Variants in NINL observed in about 807,000 individuals in gnomAD.
NINL encodes the protein ninein like, also known as ninein-like protein.
NINL carries 153 observed loss-of-function variants against 160.3 expected under a neutral mutation model. The ratio of observed to expected loss-of-function variants is 0.95; its 90% CI spans 0.84 to 1.09. The LOEUF is 1.09. Ranked by LOEUF, NINL falls within the 50% of genes least tolerant of loss-of-function variation. The pLI is 0.00. For missense variants in NINL, 1,829 were observed against 1,764.0 expected, an observed-to-expected ratio of 1.04 and a Z score of -0.66; for synonymous variants, 800 against 734.8, an observed-to-expected ratio of 1.09 and a Z score of -1.43.
At chr20:25,530,067 T>C (rs905853885) in intron 1 of NINL, among the ~76,000 whole-genome samples, 2 of 152,186 alleles carry the variant, frequency 1.3e-5, no homozygotes, top group African/African-American at 4.8e-5. Context: ...CTCTACTTTT[T>C]TTCTCTTTTA....
intron 1 of NINL, among the ~76,000 whole-genome samples, chr20:25,540,695 T>A (rs575880815): frequency 1.8e-4 from 27 of 152,304 alleles, no homozygotes; most frequent in African/African-American, 6.3e-4. Context: ...AAAGATGTTA[T>A]AACCCCAATA....
Position 25,519,974 on chromosome 20 carries a change from A to C in NINL, c.181-2125T>G, listed in dbSNP as rs537320210. 6.9e-5 allele frequency among the ~76,000 whole-genome samples: 9 copies of C among 130,986 alleles called. No individual in the cohort carries two copies. In the South Asian group the frequency reaches 2.6e-3, roughly 38 times the overall value. 85.9% of individuals were successfully genotyped at this position (130,986 alleles called of 152,430 possible). A position where few individuals can be genotyped will look rare whatever the true frequency, so the allele number is the denominator to read the frequency against. On this transcript the variant is annotated intron_variant, in intron 2 of 23. Transcript: ENST00000278886. ...AGCCAAGATCATGCCTGGGTGACGAAGTGAGACCCCGTCTCAAAAAAAAAA... is the reference window on the plus strand; with the variant it reads ...AGCCAAGATCATGCCTGGGTGACGACGTGAGACCCCGTCTCAAAAAAAAAA...
intron 3 of NINL, among the ~76,000 whole-genome samples, chr20:25,516,331 C>G (rs2064159269): frequency 6.6e-6 from 1 of 150,880 alleles, no homozygotes; most frequent in Admixed American, 6.6e-5. Flanking sequence ...AGGAATAGGA[C>G]CATTTAGTTG....
chr20:25,547,240 G>T (rs1381899605), intron 1 of NINL, among the ~76,000 whole-genome samples: 1 of 152,122 alleles, frequency 6.6e-6, no homozygotes, highest in African/African-American at 2.4e-5. Flanking sequence ...CCTGGGATTA[G>T]GATAATCCCA....
Position 25,574,353 on chromosome 20 carries a change from G to A in NINL, c.-12+11102C>T, listed in dbSNP as rs145397458. Among the ~76,000 whole-genome samples, 188 of 151,102 alleles carry A rather than the reference G, an allele frequency of 1.2e-3. No individual in the cohort carries two copies. The Middle Eastern group carries it at 0.017, about 14-fold the overall frequency. ...GGGCAAGGGCCTTGTGCCCACCACC[G>A]TCTTTTTTTTTTTTCTAGGAGAATG... On this transcript the variant is annotated intron_variant, in intron 1 of 23. Transcript: ENST00000278886.
At chr20:25,462,924 G>A (rs1353208606) in intron 19 of NINL, among the ~76,000 whole-genome samples, 1 of 152,126 alleles carries the variant, frequency 6.6e-6, no homozygotes, top group Non-Finnish European at 1.5e-5. Flanking sequence ...CAAAGTGCTG[G>A]GATTATAGGT....
At chr20:25,556,099 T>G (rs538932108) in intron 1 of NINL, among the ~76,000 whole-genome samples, 58 of 151,964 alleles carry the variant, frequency 3.8e-4, no homozygotes, top group Non-Finnish European at 6.5e-4. Context: ...TGGGCAAACA[T>G]AGTGAGACTT....
At chr20:25,527,519 T>C (rs2064381610) in intron 1 of NINL, among the ~76,000 whole-genome samples, 1 of 152,090 alleles carries the variant, frequency 6.6e-6, no homozygotes, top group Non-Finnish European at 1.5e-5. Flanking sequence ...CTGTTTTTTT[T>C]TCAAATAATA....
rs373934418 is a variant in NINL, at chr20:25,579,537, AC to A, written c.-12+5917del. Among the ~76,000 whole-genome samples, 48 of 152,168 alleles carry A rather than the reference AC, an allele frequency of 3.2e-4. No individual in the cohort carries two copies. The East Asian group carries it at 8.1e-3, about 26-fold the overall frequency. ...CTCACACAGCCCCCACGGACCAGGCACCCAAAAGCCTGTCCTTCCTGTCCCC... is the reference window on the plus strand; with the variant it reads ...CTCACACAGCCCCCACGGACCAGGCACCAAAAGCCTGTCCTTCCTGTCCCC... On this transcript the variant is annotated intron_variant, in intron 1 of 23. Transcript: ENST00000278886.
intron 4 of NINL, among the ~76,000 whole-genome samples, chr20:25,511,984 T>C (rs944733708): frequency 6.6e-6 from 1 of 152,112 alleles, no homozygotes; most frequent in Admixed American, 6.5e-5. Flanking sequence ...TCCTTGAAAA[T>C]GGTTCGACCC....
chr20:25,473,715 C>T (rs947961348), intron 17 of NINL, among the ~76,000 whole-genome samples: 219 of 131,734 alleles, frequency 1.7e-3, no homozygotes, highest in African/African-American at 6.0e-3. Flanking sequence ...CACACACACA[C>T]ACATCAGCTG....
At chr20:25,559,601 G>C (rs1358562471) in intron 1 of NINL, among the ~76,000 whole-genome samples, 1 of 151,830 alleles carries the variant, frequency 6.6e-6, no homozygotes, top group African/African-American at 2.4e-5. Flanking sequence ...ATCTTGCCAG[G>C]TGTTTTGTTT....
At chr20:25,549,640 A>G (rs528934349) in intron 1 of NINL, among the ~76,000 whole-genome samples, 1 of 152,358 alleles carries the variant, frequency 6.6e-6, no homozygotes, top group East Asian at 1.9e-4. Context: ...ATCATGCACG[A>G]GTGGAACTAA....
At chr20:25,470,695 A>G (rs1238277079) in intron 17 of NINL, among the ~76,000 whole-genome samples, 2 of 152,204 alleles carry the variant, frequency 1.3e-5, no homozygotes, top group African/African-American at 2.4e-5. Flanking sequence ...CAATTTACCA[A>G]TGAAGATCAC....
At chr20:25,458,734 T>G in intron 21 of NINL, 1 of 564,358 alleles carries the variant, frequency 1.8e-6, no homozygotes, top group South Asian at 2.5e-5. Context: ...TTCCACACAG[T>G]GCTAGAGTGC....
intron 1 of NINL, among the ~76,000 whole-genome samples, chr20:25,562,832 G>A (rs2064959969): frequency 6.6e-6 from 1 of 152,000 alleles, no homozygotes; most frequent in Non-Finnish European, 1.5e-5. Flanking sequence ...TAATACCAGA[G>A]GGAAAACTGG....
At chr20:25,456,346 G>A (rs960761488) in intron 22 of NINL, among the ~76,000 whole-genome samples, 5 of 147,860 alleles carry the variant, frequency 3.4e-5, no homozygotes, top group Admixed American at 1.4e-4. Context: ...TCAGGAGTTC[G>A]AGACCAGCCT....
intron 1 of NINL, among the ~76,000 whole-genome samples, chr20:25,574,411 T>C (rs891846264): frequency 3.9e-5 from 6 of 152,172 alleles, no homozygotes; most frequent in Admixed American, 3.9e-4. Context: ...ATTGAAATGC[T>C]TTAAAATGCA....
intron 11 of NINL, among the ~76,000 whole-genome samples, chr20:25,490,546 C>G (rs1256865746): frequency 7.6e-6 from 1 of 131,062 alleles, no homozygotes; most frequent in Non-Finnish European, 1.5e-5. Context: ...GGCGACAGAG[C>G]GAGACTCCAT....
Sources: gnomAD v4.1 joint callset for allele counts (sites outside exome capture counted in the v4.1 genomes callset) on GRCh38, gnomAD v4.1.1 for gene constraint, MANE v1.5 for transcripts, NCBI Gene and HGNC (gene_info 2026-07-23, HGNC 2026-07-21) for gene names.